The following FBLN1 variants were observed in gnomAD, a reference collection of about 807,000 sequenced individuals.
FBLN1 encodes the protein fibulin 1.
FBLN1 carries 34 observed loss-of-function variants against 89.7 expected under a neutral mutation model. That is an observed-to-expected ratio of 0.38 (90% CI 0.29 to 0.50). FBLN1 has a LOEUF of 0.50. FBLN1 is among the 20% of genes least tolerant of loss of function. The pLI is 0.92. For synonymous variants in FBLN1, 393 were observed against 391.3 expected, an observed-to-expected ratio of 1.00 and a Z score of -0.05; for missense variants, 777 against 988.1, an observed-to-expected ratio of 0.79 and a Z score of 2.86.
intron 12 of FBLN1, among the ~76,000 whole-genome samples, chr22:45,548,405 C>T (rs1415313788): frequency 6.6e-6 from 1 of 152,228 alleles, no homozygotes; most frequent in Non-Finnish European, 1.5e-5. Context: ...CCGCCACATG[C>T]ATACTTCACA....
At chr22:45,573,538 G>T (rs947649599) in intron 14 of FBLN1, among the ~76,000 whole-genome samples, 1 of 151,016 alleles carries the variant, frequency 6.6e-6, no homozygotes, top group Admixed American at 6.6e-5. Flanking sequence ...AAAATTAGCC[G>T]GGCATGGTGG....
In FBLN1 at chr22:45,563,043, G is replaced by A. The variant is rs369954031; in HGVS notation, c.1698-11468G>A. On this transcript the variant is annotated intron_variant, in intron 14 of 16. Transcript: ENST00000327858. This position sits in a 1 kb window ranked among gnomAD's most constrained non-coding sequence, Gnocchi z 5.7. ...GTGGTTTTCCGCATGGGCCCCTCCAGTGCTGTCCCCGGGGACAGCATGCAG... is the reference window on the plus strand; with the variant it reads ...GTGGTTTTCCGCATGGGCCCCTCCAATGCTGTCCCCGGGGACAGCATGCAG... 3 of 1,613,490 alleles carry A rather than the reference G, an allele frequency of 1.9e-6. No homozygotes were observed. Among genetic ancestry groups the A allele is most frequent in the South Asian group, 2.2e-5 (2 of 91,080 alleles).
chr22:45,599,170 T>C (rs2089210395), intron 16 of FBLN1, among the ~76,000 whole-genome samples: 1 of 152,198 alleles, frequency 6.6e-6, no homozygotes, highest in African/African-American at 2.4e-5. Flanking sequence ...CTGTGCCCTG[T>C]CCTCTGGCCA....
chr22:45,591,664 C>T (rs1022545185), intron 16 of FBLN1, among the ~76,000 whole-genome samples: 1 of 152,150 alleles, frequency 6.6e-6, no homozygotes, highest in Non-Finnish European at 1.5e-5. Flanking sequence ...GACCAGGTTT[C>T]GGGAGCTCAG....
At chr22:45,510,050 A>G (rs1243980688) in intron 1 of FBLN1, among the ~76,000 whole-genome samples, 1 of 152,140 alleles carries the variant, frequency 6.6e-6, no homozygotes, top group East Asian at 1.9e-4. Context: ...GCTTCTGATC[A>G]CATGCCTTTA....
chr22:45,514,033 C>T (rs1220838885), intron 1 of FBLN1, among the ~76,000 whole-genome samples: 1 of 151,972 alleles, frequency 6.6e-6, no homozygotes, highest in Admixed American at 6.5e-5. Context: ...CCTCATGATC[C>T]GCCCACCTCG....
rs774446923 is a variant in FBLN1, at chr22:45,520,455, C to T, written c.185+1668C>T. On this transcript the variant is annotated intron_variant, in intron 2 of 16. Transcript: ENST00000327858. ...GTCTGTGTCCTGCTCACCGCTTCCT[C>T]GAAGGACACCAGTCCTTTGGATTAC... Among the ~76,000 whole-genome samples, 13 of 145,102 alleles carry T rather than the reference C, an allele frequency of 9.0e-5. No individual in the cohort carries two copies. In the East Asian group the frequency reaches 1.1e-3, roughly 12 times the overall value.
intron 11 of FBLN1, among the ~76,000 whole-genome samples, chr22:45,544,746 G>T (rs186328340): frequency 6.6e-6 from 1 of 152,274 alleles, no homozygotes; most frequent in Non-Finnish European, 1.5e-5. Context: ...CAGGTCTCTT[G>T]GTATGTGGGG....
intron 2 of FBLN1, among the ~76,000 whole-genome samples, chr22:45,520,243 G>A (rs931467525): frequency 3.9e-5 from 6 of 152,326 alleles, no homozygotes; most frequent in African/African-American, 1.4e-4. Flanking sequence ...GCAACGTATT[G>A]GTTTTCTAGG....
intron 16 of FBLN1, among the ~76,000 whole-genome samples, chr22:45,587,260 G>C (rs1458825384): frequency 1.3e-5 from 2 of 150,416 alleles, no homozygotes; most frequent in African/African-American, 4.9e-5. Flanking sequence ...ATCCATCCCC[G>C]CTGCCCGGCC....
At chr22:45,539,824 CTG>C (rs2088531625) in intron 8 of FBLN1, among the ~76,000 whole-genome samples, 1 of 152,330 alleles carries the variant, frequency 6.6e-6, no homozygotes, top group Non-Finnish European at 1.5e-5. Flanking sequence ...CTGAGGGACA[CTG>C]TTGTTCTGTG....
intron 16 of FBLN1, among the ~76,000 whole-genome samples, chr22:45,599,810 G>A (rs548297453): frequency 6.6e-6 from 1 of 152,098 alleles, no homozygotes; most frequent in Non-Finnish European, 1.5e-5. Flanking sequence ...CCAGCTACTC[G>A]GGAGGCTGAG....
In FBLN1 at chr22:45,561,234, C is replaced by G. The variant is rs1277308168; in HGVS notation, c.1697+10619C>G. The stretch of plus-strand genomic sequence containing the variant: ...ATGATAAGAGCTTGTGTCTGTTTTT[C>G]CACAATTTCAGCTCTTCCTCTACAG... On this transcript the variant is annotated intron_variant, in intron 14 of 16. Transcript: ENST00000327858. This position sits in a 1 kb window ranked among gnomAD's most constrained non-coding sequence, Gnocchi z 4.7. Among the ~76,000 whole-genome samples, 2 of 152,178 alleles carry G rather than the reference C, an allele frequency of 1.3e-5. No individual in the cohort carries two copies. Among genetic ancestry groups the G allele is most frequent in the Non-Finnish European group, 2.9e-5 (2 of 68,040 alleles).
intron 1 of FBLN1, among the ~76,000 whole-genome samples, chr22:45,513,383 C>T (rs1340922590): frequency 6.6e-6 from 1 of 150,820 alleles, no homozygotes; most frequent in Non-Finnish European, 1.5e-5. Flanking sequence ...CTGCTCACTA[C>T]AACCTTTACC....
At position 45,556,018 on chromosome 22, in the gene FBLN1, CAG is replaced by C. The variant is rs1266047926; in HGVS notation, c.1697+5406_1697+5407del. On this transcript the variant is annotated intron_variant, in intron 14 of 16. Coordinates refer to ENST00000327858, the MANE Select transcript of FBLN1 (RefSeq NM_006486.3). The surrounding 1 kb of genome is among the most constrained non-coding windows in gnomAD (Gnocchi z 4.6). ...TTTTTTGTTTGTGTGTTTTTTAAGACAGAGTCTCCCTCTGTTGCCGAGGCTGA... is the reference window on the plus strand; with the variant it reads ...TTTTTTGTTTGTGTGTTTTTTAAGACAGTCTCCCTCTGTTGCCGAGGCTGA... Among the ~76,000 whole-genome samples the C allele has an allele frequency of 1.3e-5, 2 of 152,156 alleles. No individual in the cohort carries two copies. The highest frequency in any genetic ancestry group is 2.9e-5 in the Non-Finnish European group (2 of 68,032).
chr22:45,502,938 CG>C lies in FBLN1; in HGVS notation c.-47del. 1 of 884,402 alleles carries C rather than the reference CG, an allele frequency of 1.1e-6. No homozygotes were observed. The highest frequency in any genetic ancestry group is 1.4e-6 in the Non-Finnish European group (1 of 721,810). 54.8% of individuals were successfully genotyped at this position (884,402 alleles called of 1,614,324 possible). On this transcript the variant is annotated 5_prime_UTR_variant, in exon 1 of 17. Coordinates refer to ENST00000327858, the MANE Select transcript of FBLN1 (RefSeq NM_006486.3). ...AGCCCGCGCCGCTGCCCCAGGACCGCGCCCGCGCCTTTGTCCGCCGCCGCCC... is the reference window on the plus strand; with the variant it reads ...AGCCCGCGCCGCTGCCCCAGGACCGCCCCGCGCCTTTGTCCGCCGCCGCCC...
chr22:45,522,619 G>A (rs919854402), intron 2 of FBLN1, among the ~76,000 whole-genome samples: 2 of 152,196 alleles, frequency 1.3e-5, no homozygotes, highest in Non-Finnish European at 2.9e-5. Flanking sequence ...ACGTGTTTGG[G>A]GTGGTCAGAA....
intron 2 of FBLN1, among the ~76,000 whole-genome samples, chr22:45,519,919 C>T (rs1283645188): frequency 6.6e-6 from 1 of 152,144 alleles, no homozygotes; most frequent in East Asian, 1.9e-4. Flanking sequence ...CCTGTAATCC[C>T]AGCACTTTGG....
Position 45,531,200 on chromosome 22 carries a change from G to C in FBLN1, c.485-65G>C. ...ATAGTGACAAGAAGAGAGAATGTTG[G>C]GAGTTTCTTTTAAGATAAGATGGGT... On this transcript the variant is annotated intron_variant, in intron 4 of 16. Coordinates refer to ENST00000327858, the MANE Select transcript of FBLN1 (RefSeq NM_006486.3). This position sits in a 1 kb window ranked among gnomAD's most constrained non-coding sequence, Gnocchi z 4.9. 1.4e-6 allele frequency: 2 copies of C among 1,384,618 alleles called. No homozygotes were observed. Among genetic ancestry groups the C allele is most frequent in the Non-Finnish European group, 2.1e-6 (2 of 971,162 alleles). The allele number at this position is 1,384,618 out of a possible 1,614,324, so 85.8% of individuals were successfully genotyped here. A position where few individuals can be genotyped will look rare whatever the true frequency, so the allele number is the denominator to read the frequency against.
Sources: gnomAD v4.1 joint callset for allele counts (sites outside exome capture counted in the v4.1 genomes callset) on GRCh38, gnomAD v4.1.1 for gene constraint, Gnocchi (gnomAD v3.1) non-coding constraint, MANE v1.5 for transcripts, NCBI Gene and HGNC (gene_info 2026-07-23, HGNC 2026-07-21) for gene names.